KAZN: variants seen among roughly 807,000 people sequenced by gnomAD.
KAZN encodes the protein kazrin, periplakin interacting protein.
A neutral mutation model predicts 87.4 loss-of-function variants in KAZN; 40 were observed. The observed-to-expected ratio is 0.46, with a 90% CI of 0.36 to 0.60. KAZN has a LOEUF of 0.60. Ranked by LOEUF, KAZN falls within the 20% of genes least tolerant of loss-of-function variation. KAZN has a pLI of 0.00. For missense variants in KAZN, 898 were observed against 1,073.9 expected, an observed-to-expected ratio of 0.84 and a Z score of 2.29; for synonymous variants, 466 against 458.3, an observed-to-expected ratio of 1.02 and a Z score of -0.22.
At chr1:14,412,128 C>A (rs924700905) in intron 2 of KAZN, among the ~76,000 whole-genome samples, 4 of 152,110 alleles carry the variant, frequency 2.6e-5, no homozygotes, top group Non-Finnish European at 5.9e-5. Context: ...GGAAAGTGTA[C>A]AAAGAAAAGA....
intron 1 of KAZN, among the ~76,000 whole-genome samples, chr1:14,683,684 C>T (rs917403786): frequency 1.3e-5 from 2 of 152,206 alleles, no homozygotes; most frequent in Admixed American, 6.5e-5. Context: ...AGCTCCCAGC[C>T]CCCCTATCTG....
At chr1:14,785,516 C>T (rs980391928) in intron 1 of KAZN, among the ~76,000 whole-genome samples, 4 of 152,114 alleles carry the variant, frequency 2.6e-5, no homozygotes, top group Non-Finnish European at 4.4e-5. Flanking sequence ...ACCTCCTCCG[C>T]GGGAGCTTCA....
intron 1 of KAZN, among the ~76,000 whole-genome samples, chr1:14,051,361 G>A (rs1258826990): frequency 6.6e-6 from 1 of 152,016 alleles, no homozygotes; most frequent in Admixed American, 6.5e-5. Flanking sequence ...AGTGCTCAGA[G>A]GAGCCTGTCC....
intron 1 of KAZN, among the ~76,000 whole-genome samples, chr1:13,911,683 A>C (rs534436882): frequency 2.2e-4 from 33 of 152,314 alleles, no homozygotes; most frequent in African/African-American, 7.7e-4. Context: ...GCCTCACAAC[A>C]TACATCACCT....
intron 1 of KAZN, among the ~76,000 whole-genome samples, chr1:13,938,429 C>T (rs943520025): frequency 1.3e-5 from 2 of 152,060 alleles, no homozygotes; most frequent in Non-Finnish European, 2.9e-5. Context: ...TTTGGAGGAG[C>T]CTTTAGGGTT....
intron 2 of KAZN, among the ~76,000 whole-genome samples, chr1:14,541,542 G>A (rs1672812066): frequency 6.6e-6 from 1 of 152,202 alleles, no homozygotes; most frequent in African/African-American, 2.4e-5. Flanking sequence ...AAGCCAGGTA[G>A]CCTTGAGTAA....
chr1:14,144,109 A>C (rs1645296309), intron 1 of KAZN, among the ~76,000 whole-genome samples: 1 of 152,078 alleles, frequency 6.6e-6, no homozygotes, highest in South Asian at 2.1e-4. Context: ...CACATCAGGG[A>C]ATCTCTTGTT....
At chr1:15,076,726 G>A (rs776973892) in intron 8 of KAZN, among the ~76,000 whole-genome samples, 2 of 152,220 alleles carry the variant, frequency 1.3e-5, no homozygotes, top group Non-Finnish European at 1.5e-5. Context: ...TGGGGAGGAT[G>A]CAATGAGCTC....
intron 2 of KAZN, among the ~76,000 whole-genome samples, chr1:14,346,307 A>T (rs993943585): frequency 6.6e-6 from 1 of 152,206 alleles, no homozygotes; most frequent in Non-Finnish European, 1.5e-5. Context: ...CAAGGCGGTC[A>T]CCAAATTACA....
intron 2 of KAZN, among the ~76,000 whole-genome samples, chr1:14,523,855 A>C (rs7526119): frequency 1.3e-5 from 2 of 152,092 alleles, no homozygotes; most frequent in Admixed American, 6.5e-5. Flanking sequence ...GAAGGGGCTC[A>C]AGGGGGCTTA....
intron 1 of KAZN, among the ~76,000 whole-genome samples, chr1:14,752,514 A>G (rs1011056120): frequency 6.6e-6 from 1 of 152,188 alleles, no homozygotes; most frequent in Non-Finnish European, 1.5e-5. Context: ...TCAAGACACC[A>G]GCAGATTCAA....
chr1:14,379,980 G>A (rs894630259), intron 2 of KAZN, among the ~76,000 whole-genome samples: 4 of 152,188 alleles, frequency 2.6e-5, no homozygotes, highest in African/African-American at 9.7e-5. Context: ...GGTGGGCACA[G>A]AGGTGTTTAT....
chr1:14,041,048 G>T (rs4662085), intron 1 of KAZN, among the ~76,000 whole-genome samples: 63 of 151,576 alleles, frequency 4.2e-4, no homozygotes, highest in Admixed American at 3.6e-3. Context: ...TGCCCCATTC[G>T]CTTGGCAGCT....
intron 1 of KAZN, among the ~76,000 whole-genome samples, chr1:14,645,344 G>A (rs1426712788): frequency 2.0e-5 from 3 of 152,106 alleles, no homozygotes; most frequent in South Asian, 2.1e-4. Context: ...GAAGAATGTT[G>A]GTGGTAGTTT....
At chr1:14,344,957 C>T (rs567360407) in intron 2 of KAZN, among the ~76,000 whole-genome samples, 1 of 148,286 alleles carries the variant, frequency 6.7e-6, no homozygotes, top group South Asian at 2.1e-4. Flanking sequence ...CTGGTTCTGT[C>T]GCCCAGGCTA....
intron 2 of KAZN, among the ~76,000 whole-genome samples, chr1:14,993,775 G>C (rs981693639): frequency 1.6e-4 from 25 of 152,204 alleles, no homozygotes; most frequent in Non-Finnish European, 2.4e-4. Flanking sequence ...TGAGAGAGGG[G>C]TCACAAGCCC....
chr1:14,751,032 G>C (rs1198445412), intron 1 of KAZN, among the ~76,000 whole-genome samples: 2 of 152,196 alleles, frequency 1.3e-5, no homozygotes, highest in Non-Finnish European at 2.9e-5. Flanking sequence ...TTTATAACAT[G>C]ACCTAGACTC....
chr1:14,330,213 A>G (rs532973494), intron 2 of KAZN, among the ~76,000 whole-genome samples: 2 of 152,190 alleles, frequency 1.3e-5, no homozygotes, highest in Non-Finnish European at 2.9e-5. Context: ...GCCTGTTCTT[A>G]TTAAACACAT....
At chr1:15,053,272 C>T (rs934496472) in intron 4 of KAZN, among the ~76,000 whole-genome samples, 1 of 152,222 alleles carries the variant, frequency 6.6e-6, no homozygotes, top group African/African-American at 2.4e-5. Context: ...ACCGACTCGC[C>T]TGGGCTGGGT....
Sources: allele counts gnomAD v4.1 joint callset (sites outside exome capture counted in the v4.1 genomes callset), GRCh38; gene constraint gnomAD v4.1.1; transcripts MANE v1.5; gene names NCBI Gene and HGNC (gene_info 2026-07-23, HGNC 2026-07-21).